The following LCP2 variants were observed in gnomAD, a reference collection of about 807,000 sequenced individuals.
LCP2 encodes 76 kDa tyrosine phosphoprotein.
Under a neutral mutation model 74.5 loss-of-function variants are expected in LCP2, and 29 were observed. The ratio of observed to expected loss-of-function variants is 0.39; its 90% CI spans 0.29 to 0.53. The LOEUF (loss-of-function observed/expected upper bound fraction) is 0.53, where lower values mean the gene tolerates loss of function less well. LCP2 is among the 20% of genes least tolerant of loss of function. The probability of loss-of-function intolerance (pLI) is 0.72; values close to 1 mark genes in which losing one functional copy is unlikely to be tolerated. For missense variants in LCP2, 604 were observed against 634.6 expected (o/e 0.95, Z 0.52); for synonymous variants, 228 against 229.5 (o/e 0.99, Z 0.06).
intron 14 of LCP2, among the ~76,000 whole-genome samples, chr5:170,259,905 T>C (rs1468518854): frequency 6.6e-6 from 1 of 152,204 alleles, no homozygotes; most frequent in African/African-American, 2.4e-5. Context: ...TCCCAGATTC[T>C]CATGAGCACA....
At chr5:170,276,392 T>C (rs1762008352) in intron 3 of LCP2, among the ~76,000 whole-genome samples, 1 of 152,148 alleles carries the variant, frequency 6.6e-6, no homozygotes, top group Non-Finnish European at 1.5e-5. Flanking sequence ...TGCCTTCTCC[T>C]TCCATCTTCC....
At chr5:170,268,571 G>C in intron 7 of LCP2, 89 bp from the exon 8 acceptor site, 1 of 174,950 alleles carries the variant, frequency 5.7e-6, no homozygotes, top group South Asian at 9.9e-5. Context: ...CGGGGCACCG[G>C]GGGTGCATGA....
chr5:170,254,676 C>T (rs1761517700), intron 17 of LCP2, among the ~76,000 whole-genome samples: 1 of 152,166 alleles, frequency 6.6e-6, no homozygotes, highest in African/African-American at 2.4e-5. Flanking sequence ...AGTAACAGAA[C>T]CAAGGCCCGC....
chr5:170,278,924 T>A (rs1762057196), intron 3 of LCP2, among the ~76,000 whole-genome samples: 1 of 143,228 alleles, frequency 7.0e-6, no homozygotes, highest in African/African-American at 2.8e-5. Context: ...CTTCCAAGCC[T>A]GTGGGACCAC....
At chr5:170,252,616 C>T (rs1029896942) in intron 18 of LCP2, 105 bp from the exon 19 acceptor site, 3 of 622,206 alleles carry the variant, frequency 4.8e-6, no homozygotes, top group East Asian at 5.6e-5. Flanking sequence ...ACCTCAATTC[C>T]AGGAGGTCTG....
chr5:170,255,165 T>A (rs1381596883), intron 17 of LCP2, among the ~76,000 whole-genome samples: 1 of 152,012 alleles, frequency 6.6e-6, no homozygotes, highest in Non-Finnish European at 1.5e-5. Context: ...TTGTGGAAAA[T>A]TAGGGGTTGG....
At chr5:170,267,096 T>C (rs773751047) in intron 8 of LCP2, 21 bp from the exon 9 acceptor site, 5 of 1,612,704 alleles carry the variant, frequency 3.1e-6, no homozygotes, top group Middle Eastern at 1.8e-4. Context: ...ATCCAAACGT[T>C]AGGAAGCACT....
At position 170,296,650 on chromosome 5, in the gene LCP2, A is replaced by T. The variant is rs542729090; in HGVS notation, c.78+884T>A. On this transcript the variant is annotated intron_variant, in intron 1 of 20. Coordinates refer to ENST00000046794, the MANE Select transcript of LCP2 (RefSeq NM_005565.5). ...AGTCATCTTACCACATGGTCAGGGT[A>T]GAGGGACTATAACTAAGTCATGTGG... 2.6e-5 allele frequency among the ~76,000 whole-genome samples: 4 copies of T among 152,342 alleles called. No individual in the cohort carries two copies. The East Asian group carries it at 5.8e-4, about 22-fold the overall frequency.
intron 17 of LCP2, among the ~76,000 whole-genome samples, chr5:170,253,597 T>A (rs1156987515): frequency 6.6e-6 from 1 of 152,252 alleles, no homozygotes; most frequent in Non-Finnish European, 1.5e-5. Context: ...AATATCATCA[T>A]AGGCAGAATG....
In LCP2 at chr5:170,275,866, A is replaced by G; in HGVS notation, c.189-6T>C. 6.4e-7 allele frequency: 1 copy of G among 1,563,052 alleles called. No individual in the cohort carries two copies. ...GACTTAACTTACTGAGAATCCTGCAAGATAAAGAGACAGATGAAGAGATAA... is the reference window on the plus strand; with the variant it reads ...GACTTAACTTACTGAGAATCCTGCAGGATAAAGAGACAGATGAAGAGATAA... On this transcript the variant is annotated splice_polypyrimidine_tract_variant and splice_region_variant and intron_variant, in intron 3 of 20. Transcript: ENST00000046794.
chr5:170,269,799 C>A (rs1761861952), intron 7 of LCP2, among the ~76,000 whole-genome samples: 1 of 152,174 alleles, frequency 6.6e-6, no homozygotes, highest in Admixed American at 6.5e-5. Context: ...ATGACTGGCA[C>A]ACACAAGGCA....
intron 8 of LCP2, among the ~76,000 whole-genome samples, chr5:170,267,861 T>G (rs2113175232): frequency 6.6e-6 from 1 of 152,334 alleles, no homozygotes; most frequent in South Asian, 2.1e-4. Flanking sequence ...CATCTGTAGA[T>G]AAACTTGTGA....
chr5:170,268,005 C>G (rs1166378405), intron 8 of LCP2, among the ~76,000 whole-genome samples: 1 of 152,104 alleles, frequency 6.6e-6, no homozygotes, highest in Non-Finnish European at 1.5e-5. Flanking sequence ...CTGTCTCCTC[C>G]GGTCTGAAGG....
At chr5:170,274,126 C>T in intron 6 of LCP2, 175 bp downstream of exon 6, 2 of 648,568 alleles carry the variant, frequency 3.1e-6, no homozygotes, top group South Asian at 1.9e-5. Context: ...GCATGGCTCC[C>T]AAAGCCAAAA....
At chr5:170,282,006 C>T (rs1412729130) in intron 3 of LCP2, among the ~76,000 whole-genome samples, 1 of 152,194 alleles carries the variant, frequency 6.6e-6, no homozygotes, top group Non-Finnish European at 1.5e-5. Context: ...CCGTTGTCAG[C>T]TGTACCATGA....
intron 2 of LCP2, among the ~76,000 whole-genome samples, chr5:170,292,993 T>A (rs1762315293): frequency 6.6e-6 from 1 of 152,172 alleles, no homozygotes; most frequent in African/African-American, 2.4e-5. Flanking sequence ...AGATTGGAGG[T>A]GAGAAGCTTC....
intron 20 of LCP2, among the ~76,000 whole-genome samples, chr5:170,250,160 C>T (rs1168155304): frequency 1.3e-5 from 2 of 152,140 alleles, no homozygotes; most frequent in Admixed American, 1.3e-4. Context: ...TGTTAGTTTC[C>T]TTTGCGAAAA....
chr5:170,254,057 C>T (rs1394669910), intron 17 of LCP2, among the ~76,000 whole-genome samples: 1 of 152,118 alleles, frequency 6.6e-6, no homozygotes, highest in Non-Finnish European at 1.5e-5. Flanking sequence ...ATACCTTCAA[C>T]AAATATTTAT....
intron 5 of LCP2, among the ~76,000 whole-genome samples, chr5:170,274,569 C>T (rs569593382): frequency 1.3e-5 from 2 of 152,152 alleles, no homozygotes; most frequent in South Asian, 2.1e-4. Flanking sequence ...CAACCTTTCT[C>T]GTGTGTAACA....
Sources: allele counts gnomAD v4.1 joint callset (sites outside exome capture counted in the v4.1 genomes callset), GRCh38; gene constraint gnomAD v4.1.1; transcripts MANE v1.5; gene names NCBI Gene and HGNC (gene_info 2026-07-23, HGNC 2026-07-21).